L1CAM: variants seen among roughly 807,000 people sequenced by gnomAD.
The protein encoded by L1CAM is L1 cell adhesion molecule, also known as neural cell adhesion molecule L1.
L1CAM carries 8 observed loss-of-function variants against 93.0 expected under a neutral mutation model. That is an observed-to-expected ratio of 0.09 (90% confidence interval 0.05 to 0.16). L1CAM has a LOEUF of 0.16. Among genes scored for constraint, L1CAM ranks in the 10% least tolerant of loss-of-function variants. L1CAM has a pLI of 1.00. For synonymous variants in L1CAM, 453 were observed against 453.0 expected, an observed-to-expected ratio of 1.00 and a Z score of 0.00; for missense variants, 777 against 1,073.4, an observed-to-expected ratio of 0.72 and a Z score of 3.86.
At chrX:153,878,943 C>T (rs897518329) in intron 1 of L1CAM, among the ~76,000 whole-genome samples, 2 of 111,177 alleles carry the variant, frequency 1.8e-5, no homozygotes, top group East Asian at 2.8e-4. Context: ...AGCTTGCCAC[C>T]GCCCTGGGCA....
rs181054549 is a variant in L1CAM at position 153,875,704 on chromosome X, A to C, written c.76+57T>G. On this transcript the variant is annotated intron_variant, in intron 2 of 28. Transcript: ENST00000370060. ...GGAGAAGGTGAGGAGGTAGAAGATA[A>C]AGAGGGGCCCAACATAGCGGCGAAG... 287 of 1,040,777 alleles carry C rather than the reference A, an allele frequency of 2.8e-4. No individual in the cohort carries two copies. The African/African-American group carries it at 4.8e-3, about 17-fold the overall frequency. 85.8% of individuals were successfully genotyped at this position (1,040,777 alleles called of 1,213,427 possible). A position where few individuals can be genotyped will look rare whatever the true frequency, so the allele number is the denominator to read the frequency against.
rs2148494073 is a variant in L1CAM, at chrX:153,865,374, G to C, written c.2674C>G (p.His892Asp). 1 of 1,211,604 alleles carries C rather than the reference G, an allele frequency of 8.3e-7. No individual in the cohort carries two copies. Among genetic ancestry groups the C allele is most frequent in the Non-Finnish European group, 1.1e-6 (1 of 895,436 alleles). Residue 892 changes from histidine (H) to aspartate (D), a missense_variant, in exon 21 of 29, where the codon CAC becomes GAC. Around this residue, in one of 5 missense-constraint regions of L1CAM, gnomAD observed 574 missense variants for 781.0 expected, o/e 0.73. Transcript: ENST00000370060. ...CCGTTAAAGGCCTGCACCTCCAGGT[G>C]GTAGGAGCTATAGGGCCGCAAGCCA... is the stretch of plus-strand genomic sequence containing the variant. ...LSGLRPYSSY[H>D]LEVQAFNGRG... is the part of the protein sequence containing the mutation.
In L1CAM at chrX:153,872,661, C is replaced by A. The variant is rs782819951; in HGVS notation, c.128G>T (p.Arg43Leu). 4.1e-6 allele frequency: 5 copies of A among 1,210,652 alleles called. No individual in the cohort carries two copies. Among genetic ancestry groups the A allele is most frequent in the Non-Finnish European group, 4.5e-6 (4 of 894,847 alleles). Reference sequence around the variant, plus strand: ...ATCTGTGGGGAAGACAACCAGGCGCCGTGGAGACTGTTCCGTGATGACAGG... The same window carrying A: ...ATCTGTGGGGAAGACAACCAGGCGCAGTGGAGACTGTTCCGTGATGACAGG... ...EPPVITEQSP[R>L]RLVVFPTDDI... The change falls in exon 4 of 29, where the codon CGG becomes CTG. Residue 43 changes from arginine to leucine, a missense_variant. Physicochemically the swap from Arg to Leu is moderately radical, Grantham distance 102 (BLOSUM62 -2). This residue lies in a region of L1CAM where 574 missense variants were observed against 781.0 expected (regional missense o/e 0.73). Transcript: ENST00000370060.
chrX:153,869,401 G>C, intron 11 of L1CAM, 119 bp downstream of exon 11: 2 of 832,637 alleles, frequency 2.4e-6, no homozygotes, highest in Non-Finnish European at 3.6e-6. Context: ...GAGAAAGGTC[G>C]GCGCCAGCCT....
intron 26 of L1CAM, 66 bp downstream of exon 26, chrX:153,863,817 T>A: frequency 8.4e-7 from 1 of 1,193,646 alleles, no homozygotes; most frequent in Non-Finnish European, 1.1e-6. Context: ...TGCAGAAGGG[T>A]GGAAGGGGCG....
At chrX:153,885,333 C>G (rs1207463688) in intron 1 of L1CAM, 28 of 957,143 alleles carry the variant, frequency 2.9e-5, no homozygotes, top group Non-Finnish European at 3.8e-5. Context: ...CCGAACCGAC[C>G]TCACCCACTC....
intron 11 of L1CAM, 117 bp from the exon 12 acceptor site, chrX:153,869,069 C>T (rs2064743257): frequency 8.5e-6 from 5 of 589,696 alleles, no homozygotes; most frequent in Admixed American, 5.2e-5. Context: ...AATCTTGCTT[C>T]CCTGCTCCCA....
Position 153,863,309 on chromosome X carries a change from G to A in L1CAM, c.3542+59C>T. On this transcript the variant is annotated intron_variant, in intron 28 of 28. Coordinates refer to ENST00000370060, the MANE Select transcript of L1CAM (RefSeq NM_001278116.2). ...CAGCCAGGGGACAATGGCACACCAG[G>A]CGCACATTGTCTATAGGGAGACCTT... 2.6e-6 allele frequency: 3 copies of A among 1,150,055 alleles called. No individual in the cohort carries two copies. The South Asian group carries it at 5.5e-5, about 21-fold the overall frequency. 94.8% of individuals were successfully genotyped at this position (1,150,055 alleles called of 1,213,427 possible).
chrX:153,871,571 A>T (rs1557093132), intron 5 of L1CAM, among the ~76,000 whole-genome samples: 1 of 109,557 alleles, frequency 9.1e-6, no homozygotes, highest in African/African-American at 3.3e-5. Context: ...AAACCATGGC[A>T]ACGGTTCCCA....
chrX:153,884,449 G>A (rs994898920), intron 1 of L1CAM: 4 of 252,617 alleles, frequency 1.6e-5, no homozygotes, highest in African/African-American at 2.8e-5. Context: ...CCCTCTTGGT[G>A]ATCAGATCAC....
chrX:153,885,882 T>C (rs1344720095), intron 1 of L1CAM, 183 bp downstream of exon 1: 6 of 823,133 alleles, frequency 7.3e-6, no homozygotes, highest in Non-Finnish European at 4.5e-6. Context: ...CCCGCCCCGC[T>C]TACAGCCCGC....
At chrX:153,876,138 A>C (rs1301164465) in intron 1 of L1CAM, 194 bp from the exon 2 acceptor site, 4 of 436,682 alleles carry the variant, frequency 9.2e-6, no homozygotes, top group Middle Eastern at 6.1e-4. Context: ...TCTGGAAGAG[A>C]TAGCCCTGGC....
chrX:153,881,849 C>G (rs1034719889), intron 1 of L1CAM, among the ~76,000 whole-genome samples: 3 of 111,109 alleles, frequency 2.7e-5, no homozygotes, highest in Non-Finnish European at 3.8e-5. Context: ...CCCTAGAAGG[C>G]GAGAGAAATG....
chrX:153,866,537 G>C, intron 19 of L1CAM, 112 bp downstream of exon 19: 1 of 540,224 alleles, frequency 1.9e-6, no homozygotes, highest in Non-Finnish European at 3.1e-6. Context: ...TTATGTAAGA[G>C]AATATCCTCA....
rs782267645 is a variant in L1CAM, at chrX:153,867,950, A to T, written c.1829-40T>A. On this transcript the variant is annotated intron_variant, in intron 15 of 28. Transcript: ENST00000370060. The stretch of plus-strand genomic sequence containing the variant: ...GGTCGGTGCTTGAAAGGGCCCAGGG[A>T]TGTGAGCCCCGGCCTTCTGGAGTGG... 1.5e-4 allele frequency: 186 copies of T among 1,207,057 alleles called. 1 individual carries two copies. In the South Asian group the frequency reaches 3.1e-3, roughly 20 times the overall value.
rs199543804 is a variant in L1CAM at position 153,870,457 on chromosome X, G to A, written c.737C>T (p.Thr246Ile). Residue 246 changes from threonine (T) to isoleucine (I), a missense_variant, in exon 8 of 29, where the codon ACC becomes ATC. Physicochemically the swap from Thr to Ile is moderately conservative, Grantham distance 89. Around this residue, in one of 5 missense-constraint regions of L1CAM, gnomAD observed 574 missense variants for 781.0 expected, o/e 0.73. Coordinates refer to ENST00000370060, the MANE Select transcript of L1CAM (RefSeq NM_001278116.2). ...IDRKPRLLFPTNSSSHLVALQ... is the reference protein window; with the variant it reads ...IDRKPRLLFPINSSSHLVALQ... ...GGCCACCAGGTGGCTGCTGGAGTTG[G>A]TGGGGAAGAGCAGGCGCGGCTTCCT... The A allele has an allele frequency of 4.1e-6, 5 of 1,210,789 alleles. No individual in the cohort carries two copies. The highest frequency in any genetic ancestry group is 4.3e-5 in the Admixed American group (2 of 45,978).
chrX:153,884,120 G>C, intron 1 of L1CAM: 16 of 756,280 alleles, frequency 2.1e-5, no homozygotes, highest in Non-Finnish European at 2.9e-5. Context: ...CAAGAAAAAA[G>C]AAAACAAGTG....
intron 2 of L1CAM, among the ~76,000 whole-genome samples, chrX:153,874,049 C>T (rs1026981190): frequency 8.9e-6 from 1 of 112,509 alleles, no homozygotes; most frequent in East Asian, 2.8e-4. Flanking sequence ...CTGCAGAGGG[C>T]CCTGAGCTGG....
At position 153,885,600 on chromosome X, in the gene L1CAM, C is replaced by T. The variant is rs782264430; in HGVS notation, c.-109+465G>A. On this transcript the variant is annotated intron_variant, in intron 1 of 28. Transcript: ENST00000370060. Reference sequence around the variant, plus strand: ...ATCTACCCCTCACCACGCTGTCAGCCGGGATTTTCAACCAAACTGAGCTCT... The same window carrying T: ...ATCTACCCCTCACCACGCTGTCAGCTGGGATTTTCAACCAAACTGAGCTCT... Among the ~76,000 whole-genome samples, 55 of 111,901 alleles carry T rather than the reference C, an allele frequency of 4.9e-4. 1 individual carries two copies. Among genetic ancestry groups the T allele is most frequent in the African/African-American group, 1.8e-3 (55 of 30,841 alleles).
Sources: gnomAD v4.1 joint callset for allele counts (sites outside exome capture counted in the v4.1 genomes callset) on GRCh38, gnomAD v4.1.1 for gene constraint, gnomAD v4.1.1 regional missense constraint, MANE v1.5 for transcripts, NCBI Gene and HGNC (gene_info 2026-07-23, HGNC 2026-07-21) for gene names.